FRMD4B: variants seen among roughly 807,000 people sequenced by gnomAD.
The protein encoded by FRMD4B is FERM domain containing 4B.
Under a neutral mutation model 141.5 loss-of-function variants are expected in FRMD4B, and 74 were observed. That is an observed-to-expected ratio of 0.52 (90% CI 0.43 to 0.63). FRMD4B has a LOEUF of 0.63. Ranked by LOEUF, FRMD4B falls within the 30% of genes least tolerant of loss-of-function variation. The pLI is 0.00. For synonymous variants in FRMD4B, 506 were observed against 467.9 expected (o/e 1.08, Z -1.05); for missense variants, 1,366 against 1,253.4 (o/e 1.09, Z -1.36).
chr3:69,506,611 C>T (rs993734980), intron 1 of FRMD4B, among the ~76,000 whole-genome samples: 6 of 151,928 alleles, frequency 3.9e-5, no homozygotes, highest in African/African-American at 9.7e-5. Flanking sequence ...TCATTGCTCA[C>T]TGCAGCCTCG....
chr3:69,178,216 C>T (rs1398546367), intron 21 of FRMD4B, among the ~76,000 whole-genome samples: 4 of 152,214 alleles, frequency 2.6e-5, no homozygotes, highest in Admixed American at 2.6e-4. Context: ...CCTCTTCTCT[C>T]TCATACACAC....
At chr3:69,515,976 T>C (rs1200379295) in intron 1 of FRMD4B, among the ~76,000 whole-genome samples, 2 of 152,084 alleles carry the variant, frequency 1.3e-5, no homozygotes, top group Non-Finnish European at 2.9e-5. Context: ...GGCTCATACT[T>C]GTGCTTTGTG....
chr3:69,263,734 T>C lies in FRMD4B; in HGVS notation c.502-13635A>G, dbSNP rs540892860. ...GCCTATATGCACTTTTTAATATGTA[T>C]ATTATTCTTCAATACAAAGTTAAGA... On this transcript the variant is annotated intron_variant, in intron 5 of 22. Coordinates refer to ENST00000398540, the MANE Select transcript of FRMD4B (RefSeq NM_015123.3). 3.3e-5 allele frequency among the ~76,000 whole-genome samples: 5 copies of C among 151,164 alleles called. No homozygotes were observed. The Admixed American group carries it at 3.3e-4, about 10-fold the overall frequency.
chr3:69,234,952 C>A (rs1373137964), intron 7 of FRMD4B, among the ~76,000 whole-genome samples: 1 of 151,790 alleles, frequency 6.6e-6, no homozygotes, highest in Non-Finnish European at 1.5e-5. Context: ...AGTTCCAGAC[C>A]AGCCTGGCCA....
At chr3:69,509,124 A>G (rs2107092670) in intron 1 of FRMD4B, among the ~76,000 whole-genome samples, 1 of 152,286 alleles carries the variant, frequency 6.6e-6, no homozygotes, top group East Asian at 1.9e-4. Flanking sequence ...GGTTTGTTCT[A>G]CATTTGAGCA....
chr3:69,484,241 G>C (rs909086354), intron 1 of FRMD4B, among the ~76,000 whole-genome samples: 2 of 152,210 alleles, frequency 1.3e-5, no homozygotes, highest in African/African-American at 4.8e-5. Context: ...CAAAGAAGTG[G>C]TCATAAGCCT....
intron 4 of FRMD4B, among the ~76,000 whole-genome samples, chr3:69,297,271 A>G (rs1290561286): frequency 2.0e-5 from 3 of 152,172 alleles, no homozygotes; most frequent in Non-Finnish European, 2.9e-5. Flanking sequence ...CTTGACTTCA[A>G]GGGCTCCATG....
intron 5 of FRMD4B, among the ~76,000 whole-genome samples, chr3:69,269,181 G>A (rs35528796): frequency 0.69 from 104,293 of 151,542 alleles, 36,810 homozygotes; most frequent in Non-Finnish European, 0.77. Flanking sequence ...CACCTGCCTC[G>A]GCCTCTCAGA....
chr3:69,366,587 G>A lies in FRMD4B; in HGVS notation c.162+19241C>T, dbSNP rs114102933. ...TTTAGAAAATATCTGGCAAATATATGCCCTGTTAATAACCATTAAAGAACC... is the reference window on the plus strand; with the variant it reads ...TTTAGAAAATATCTGGCAAATATATACCCTGTTAATAACCATTAAAGAACC... On this transcript the variant is annotated intron_variant, in intron 1 of 22. Coordinates refer to ENST00000398540, the MANE Select transcript of FRMD4B (RefSeq NM_015123.3). Among the ~76,000 whole-genome samples the A allele has an allele frequency of 9.0e-3, 1,365 of 152,126 alleles. 25 individuals are homozygous for A. Among genetic ancestry groups the A allele is most frequent in the African/African-American group, 0.03 (1,236 of 41,498 alleles).
chr3:69,195,371 G>A lies in FRMD4B; in HGVS notation c.1235-7C>T. ...ACTTCTGAGTCTTGAGAACCTAGGG[G>A]ATGAGGGAAGGGCAGGGAAGGTTTA... On this transcript the variant is annotated splice_polypyrimidine_tract_variant and splice_region_variant and intron_variant, in intron 14 of 22. Transcript: ENST00000398540. 6.2e-7 allele frequency: 1 copy of A among 1,605,646 alleles called. No homozygotes were observed. The highest frequency in any genetic ancestry group is 8.5e-7 in the Non-Finnish European group (1 of 1,177,150).
chr3:69,280,167 A>G (rs187857090), intron 5 of FRMD4B, among the ~76,000 whole-genome samples: 219 of 152,180 alleles, frequency 1.4e-3, no homozygotes, highest in Non-Finnish European at 2.4e-3. Flanking sequence ...GCCATGTTGA[A>G]TGCTTCCCGG....
chr3:69,399,068 A>T (rs977355721), intron 2 of FRMD4B, among the ~76,000 whole-genome samples: 1 of 152,238 alleles, frequency 6.6e-6, no homozygotes. Context: ...ACTTGGAACA[A>T]ATAAATCTTA....
chr3:69,209,672 A>T (rs1374254226), intron 11 of FRMD4B, among the ~76,000 whole-genome samples: 2 of 152,252 alleles, frequency 1.3e-5, no homozygotes, highest in Admixed American at 1.3e-4. Flanking sequence ...AGAAGGTTTT[A>T]ACAATCAGAT....
chr3:69,254,866 A>G (rs1470757072), intron 5 of FRMD4B, among the ~76,000 whole-genome samples: 1 of 152,172 alleles, frequency 6.6e-6, no homozygotes, highest in East Asian at 1.9e-4. Context: ...CATTCCTGTC[A>G]AAAATGCATT....
intron 5 of FRMD4B, among the ~76,000 whole-genome samples, chr3:69,261,744 C>G (rs1303889055): frequency 6.6e-6 from 1 of 152,322 alleles, no homozygotes; most frequent in Non-Finnish European, 1.5e-5. Context: ...ACGATCTCAG[C>G]TCACCACAAC....
intron 1 of FRMD4B, chr3:69,353,644 CGCGCGCGTGTGTGT>C (rs908072688): frequency 1.1e-6 from 1 of 948,710 alleles, no homozygotes; most frequent in Non-Finnish European, 1.3e-6. Flanking sequence ...TGTGTGTGTG[CGCGCGCGTGTGTGT>C]GCGCGCATGT....
intron 1 of FRMD4B, among the ~76,000 whole-genome samples, chr3:69,455,385 C>T (rs985944679): frequency 2.6e-5 from 4 of 152,312 alleles, no homozygotes; most frequent in African/African-American, 9.6e-5. Context: ...CTGTAACACT[C>T]ACGGCAAAGG....
intron 1 of FRMD4B, among the ~76,000 whole-genome samples, chr3:69,482,585 A>G (rs1706145236): frequency 6.6e-6 from 1 of 152,274 alleles, no homozygotes; most frequent in African/African-American, 2.4e-5. Flanking sequence ...TTAAAAGAGC[A>G]TGTTTCATGT....
chr3:69,381,518 C>CT (rs1039186160), intron 1 of FRMD4B, among the ~76,000 whole-genome samples: 8 of 151,996 alleles, frequency 5.3e-5, no homozygotes, highest in Admixed American at 1.3e-4. Flanking sequence ...AAAATGACAC[C>CT]TTTTTATCAA....
Sources: gnomAD v4.1 joint callset for allele counts (sites outside exome capture counted in the v4.1 genomes callset) on GRCh38, gnomAD v4.1.1 for gene constraint, MANE v1.5 for transcripts, NCBI Gene and HGNC (gene_info 2026-07-23, HGNC 2026-07-21) for gene names.